Variants in SERGEF observed in about 807,000 individuals in gnomAD.
The protein encoded by SERGEF is secretion regulating guanine nucleotide exchange factor, also known as secretion-regulating guanine nucleotide exchange factor.
Under a neutral mutation model 50.0 loss-of-function variants are expected in SERGEF, and 51 were observed. The ratio of observed to expected loss-of-function variants is 1.02; its 90% CI spans 0.81 to 1.29. SERGEF has a LOEUF of 1.29. Among genes scored for constraint, SERGEF ranks in the 50% most tolerant of loss-of-function variants. The pLI is 0.00. For missense variants in SERGEF, 521 were observed against 557.0 expected (o/e 0.94, Z 0.65); for synonymous variants, 205 against 212.4 (o/e 0.97, Z 0.30).
At chr11:17,850,261 T>C (rs1850688437) in intron 10 of SERGEF, among the ~76,000 whole-genome samples, 1 of 152,194 alleles carries the variant, frequency 6.6e-6, no homozygotes, top group Non-Finnish European at 1.5e-5. Context: ...GGACCAAGTT[T>C]CTAACACAGG....
chr11:17,810,125 C>T (rs1486678925), intron 10 of SERGEF, among the ~76,000 whole-genome samples: 3 of 152,308 alleles, frequency 2.0e-5, no homozygotes, highest in East Asian at 1.9e-4. Flanking sequence ...AGGGAGAATG[C>T]CCTGGTTCTA....
At chr11:17,866,139 G>A in intron 10 of SERGEF, among the ~76,000 whole-genome samples, 1 of 152,208 alleles carries the variant, frequency 6.6e-6, no homozygotes, top group East Asian at 1.9e-4. Context: ...AACCACTTGA[G>A]AAAGCCCCTT....
intron 9 of SERGEF, among the ~76,000 whole-genome samples, chr11:17,906,529 C>T (rs1194949623): frequency 6.6e-6 from 1 of 152,206 alleles, no homozygotes; most frequent in Admixed American, 6.5e-5. Context: ...GGGGGTGGGG[C>T]GCTTGGTGGC....
intron 1 of SERGEF, among the ~76,000 whole-genome samples, chr11:18,011,115 A>G (rs1203768101): frequency 6.7e-6 from 1 of 148,758 alleles, no homozygotes; most frequent in Non-Finnish European, 1.5e-5. Flanking sequence ...CTCCAGACAT[A>G]TCACACGTGC....
intron 10 of SERGEF, among the ~76,000 whole-genome samples, chr11:17,870,036 G>T (rs559408827): frequency 6.6e-6 from 1 of 152,298 alleles, no homozygotes; most frequent in East Asian, 1.9e-4. Context: ...CCCCCATGCT[G>T]TTCTTGTGAT....
chr11:17,940,412 C>A (rs1232532739), intron 9 of SERGEF, among the ~76,000 whole-genome samples: 4 of 152,140 alleles, frequency 2.6e-5, no homozygotes, highest in Non-Finnish European at 4.4e-5. Context: ...CCCACCACCG[C>A]CCACCCAACT....
rs867354882 is a variant in SERGEF at position 17,967,361 on chromosome 11, G to A, written c.845-7725C>T. 3.9e-5 allele frequency among the ~76,000 whole-genome samples: 6 copies of A among 152,314 alleles called. No individual in the cohort carries two copies. The South Asian group carries it at 1.2e-3, about 32-fold the overall frequency. On this transcript the variant is annotated intron_variant, in intron 8 of 10. Transcript: ENST00000265965. ...GTGAACATTCGCAAGGACTTCCTGA[G>A]GTTGTTCAGAGTCACAGGGACACAC... is the stretch of plus-strand genomic sequence containing the variant.
At chr11:17,868,968 C>T (rs1204482588) in intron 10 of SERGEF, among the ~76,000 whole-genome samples, 2 of 152,142 alleles carry the variant, frequency 1.3e-5, no homozygotes, top group Non-Finnish European at 1.5e-5. Flanking sequence ...TGGGTAGGGA[C>T]ACAGCCAAAC....
chr11:17,967,591 C>A (rs1853151693), intron 8 of SERGEF, among the ~76,000 whole-genome samples: 1 of 152,218 alleles, frequency 6.6e-6, no homozygotes, highest in African/African-American at 2.4e-5. Context: ...AACACCAAGA[C>A]TGAGTGCAGA....
intron 9 of SERGEF, among the ~76,000 whole-genome samples, chr11:17,902,213 G>A (rs1441553588): frequency 7.9e-6 from 1 of 126,104 alleles, no homozygotes; most frequent in East Asian, 2.0e-4. Flanking sequence ...AACCTATATG[G>A]GAATTGAAGG....
chr11:18,012,786 C>CCG, intron 1 of SERGEF, 165 bp downstream of exon 1: 7 of 1,158,438 alleles, frequency 6.0e-6, no homozygotes, highest in Non-Finnish European at 8.5e-6. Flanking sequence ...CCCGCCCGCC[C>CCG]GCTCCTCCTC....
intron 3 of SERGEF, among the ~76,000 whole-genome samples, chr11:18,005,937 C>G (rs753633889): frequency 6.6e-6 from 1 of 152,248 alleles, no homozygotes; most frequent in Non-Finnish European, 1.5e-5. Flanking sequence ...GTAAGTAACC[C>G]TCTGCTGCCA....
At chr11:17,992,335 T>A (rs567161131) in intron 7 of SERGEF, among the ~76,000 whole-genome samples, 1 of 152,134 alleles carries the variant, frequency 6.6e-6, no homozygotes, top group Non-Finnish European at 1.5e-5. Context: ...ACAGAGTAGA[T>A]AGATACACAA....
chr11:17,824,429 A>C (rs1010823427), intron 10 of SERGEF, among the ~76,000 whole-genome samples: 1 of 152,200 alleles, frequency 6.6e-6, no homozygotes, highest in Non-Finnish European at 1.5e-5. Context: ...AAACAGAGAG[A>C]TAGAAATAAT....
intron 10 of SERGEF, among the ~76,000 whole-genome samples, chr11:17,816,310 G>C (rs755881987): frequency 3.3e-5 from 5 of 152,162 alleles, no homozygotes; most frequent in African/African-American, 9.7e-5. Flanking sequence ...GGCGGTATTT[G>C]CAAGAGGAAG....
chr11:17,904,853 A>G (rs567663879), intron 9 of SERGEF, among the ~76,000 whole-genome samples: 9 of 152,352 alleles, frequency 5.9e-5, no homozygotes, highest in African/African-American at 2.2e-4. Flanking sequence ...GAACTGGATC[A>G]GTCCTGGATG....
chr11:17,830,601 GGAGA>G lies in SERGEF; in HGVS notation c.1049-42192_1049-42189del, dbSNP rs71962769. On this transcript the variant is annotated intron_variant, in intron 10 of 10. Transcript: ENST00000265965. Reference sequence around the variant, plus strand: ...GAGAGATGGGGAGAGGGAGAGAGGTGGAGAGAGAGAGAGAGAGAGAGAGAGGGAA... The same window carrying G: ...GAGAGATGGGGAGAGGGAGAGAGGTGGAGAGAGAGAGAGAGAGAGAGGGAA... 5.7e-3 allele frequency among the ~76,000 whole-genome samples: 513 copies of G among 90,794 alleles called. 4 individuals carry two copies. The highest frequency in any genetic ancestry group is 0.013 in the African/African-American group (295 of 22,292). 59.6% of individuals were successfully genotyped at this position (90,794 alleles called of 152,430 possible).
chr11:17,963,059 G>A (rs964257579), intron 8 of SERGEF, among the ~76,000 whole-genome samples: 6 of 151,624 alleles, frequency 4.0e-5, no homozygotes, highest in African/African-American at 4.8e-5. Context: ...GCCCACGACC[G>A]TAGTCCCAGC....
rs616102 is a variant in SERGEF, at chr11:17,966,456, A to G, written c.845-6820T>C. Among the ~76,000 whole-genome samples, 6 of 152,230 alleles carry G rather than the reference A, an allele frequency of 3.9e-5. No homozygotes were observed. In the East Asian group the frequency reaches 7.7e-4, roughly 20 times the overall value. ...CTATAAAATGAGAGAACCGCAACAG[A>G]TGACCTCTTGGATACCTCCCTGATC... On this transcript the variant is annotated intron_variant, in intron 8 of 10. Transcript: ENST00000265965.
Sources: gnomAD v4.1 joint callset for allele counts (sites outside exome capture counted in the v4.1 genomes callset) on GRCh38, gnomAD v4.1.1 for gene constraint, MANE v1.5 for transcripts, NCBI Gene and HGNC (gene_info 2026-07-23, HGNC 2026-07-21) for gene names.